Variants in CSMD1 observed in about 807,000 individuals in gnomAD.
CSMD1 encodes CUB and Sushi multiple domains 1.
CSMD1 carries 213 observed loss-of-function variants against 417.5 expected under a neutral mutation model. The ratio of observed to expected loss-of-function variants is 0.51; its 90% confidence interval spans 0.46 to 0.57. The LOEUF (loss-of-function observed/expected upper bound fraction) is 0.57, where lower values mean the gene tolerates loss of function less well. Among genes scored for constraint, CSMD1 ranks in the 20% least tolerant of loss-of-function variants. The pLI, the probability that CSMD1 is intolerant of heterozygous loss-of-function variation, is 0.00. For missense variants in CSMD1, 6,923 were observed against 4,529.7 expected (o/e 1.53, Z -15.17); for synonymous variants, 2,862 against 1,736.8 (o/e 1.65, Z -16.11).
At chr8:3,252,444 T>C (rs554601547) in intron 26 of CSMD1, among the ~76,000 whole-genome samples, 27 of 152,318 alleles carry the variant, frequency 1.8e-4, no homozygotes, top group Admixed American at 7.8e-4. Context: ...CTTTTTGATA[T>C]ATTGTTGGAT....
chr8:3,807,525 C>A (rs1258966288), intron 5 of CSMD1, among the ~76,000 whole-genome samples: 2 of 152,162 alleles, frequency 1.3e-5, no homozygotes, highest in Non-Finnish European at 2.9e-5. Flanking sequence ...AGAGCTTCAA[C>A]AGATACTAAT....
chr8:3,712,467 C>T (rs1801582544), intron 6 of CSMD1, among the ~76,000 whole-genome samples: 1 of 151,762 alleles, frequency 6.6e-6, no homozygotes, highest in African/African-American at 2.4e-5. Flanking sequence ...ACTAGAGCTG[C>T]AGGAATGCAG....
chr8:4,409,989 T>G (rs1445878303), intron 3 of CSMD1, among the ~76,000 whole-genome samples: 4 of 152,094 alleles, frequency 2.6e-5, no homozygotes, highest in Non-Finnish European at 5.9e-5. Flanking sequence ...AATTTTTGTA[T>G]TTTTAGTAGA....
intron 1 of CSMD1, among the ~76,000 whole-genome samples, chr8:4,819,625 A>G (rs1379704556): frequency 6.6e-6 from 1 of 152,210 alleles, no homozygotes; most frequent in Non-Finnish European, 1.5e-5. Context: ...AGATTGGAAT[A>G]TCAAATACTC....
intron 3 of CSMD1, among the ~76,000 whole-genome samples, chr8:4,335,754 T>C (rs1220047843): frequency 2.0e-5 from 3 of 151,734 alleles, no homozygotes; most frequent in African/African-American, 4.8e-5. Flanking sequence ...GGCAACAAGA[T>C]AGAGTCATCA....
intron 3 of CSMD1, among the ~76,000 whole-genome samples, chr8:4,225,594 G>C (rs568420715): frequency 2.7e-5 from 4 of 148,218 alleles, no homozygotes; most frequent in East Asian, 2.0e-4. Context: ...ATTTTTATTT[G>C]GGAGGAAATA....
intron 5 of CSMD1, among the ~76,000 whole-genome samples, chr8:3,817,276 T>C (rs1367665814): frequency 5.7e-4 from 42 of 73,856 alleles, no homozygotes; most frequent in Middle Eastern, 5.3e-3. Flanking sequence ...TTTTTTTTTT[T>C]TTTTTTTTTT....
At chr8:4,290,593 A>G (rs115378006) in intron 3 of CSMD1, among the ~76,000 whole-genome samples, 426 of 152,304 alleles carry the variant, frequency 2.8e-3, no homozygotes, top group African/African-American at 9.4e-3. Context: ...GCTTCATACA[A>G]TTTACCAAGG....
At chr8:3,980,523 C>G (rs1813774836) in intron 5 of CSMD1, among the ~76,000 whole-genome samples, 1 of 146,230 alleles carries the variant, frequency 6.8e-6, no homozygotes, top group African/African-American at 2.5e-5. Flanking sequence ...GTTGTTTATG[C>G]CATTTAGATT....
At chr8:3,315,508 G>T (rs1416667088) in intron 23 of CSMD1, among the ~76,000 whole-genome samples, 1 of 151,332 alleles carries the variant, frequency 6.6e-6, no homozygotes, top group African/African-American at 2.4e-5. Flanking sequence ...TTAAGCTACA[G>T]ATGCTATTGT....
chr8:4,847,406 T>A (rs1402415181), intron 1 of CSMD1, among the ~76,000 whole-genome samples: 1 of 152,226 alleles, frequency 6.6e-6, no homozygotes, highest in Non-Finnish European at 1.5e-5. Flanking sequence ...CAATAAATTT[T>A]AAAATTTCAA....
At chr8:3,981,430 C>G (rs530728485) in intron 5 of CSMD1, among the ~76,000 whole-genome samples, 2 of 140,452 alleles carry the variant, frequency 1.4e-5, no homozygotes, top group South Asian at 4.6e-4. Flanking sequence ...CAGGATCTCA[C>G]AAATCACCGC....
At chr8:4,397,511 A>G (rs1040472157) in intron 3 of CSMD1, among the ~76,000 whole-genome samples, 1 of 148,972 alleles carries the variant, frequency 6.7e-6, no homozygotes, top group Non-Finnish European at 1.5e-5. Context: ...CAATGTCAAC[A>G]AGCCTGAGAC....
At chr8:4,342,459 C>A (rs1297205733) in intron 3 of CSMD1, among the ~76,000 whole-genome samples, 2 of 151,958 alleles carry the variant, frequency 1.3e-5, no homozygotes, top group Admixed American at 6.6e-5. Flanking sequence ...CAACAGCAGA[C>A]AATAAACTGG....
chr8:4,546,064 A>C (rs1983474), intron 2 of CSMD1, among the ~76,000 whole-genome samples: 110,541 of 152,042 alleles, frequency 0.73, 40,410 homozygotes, highest in Admixed American at 0.78. Context: ...CTGCAAGTCA[A>C]CTTCATCAGA....
chr8:3,357,385 G>A (rs1352082172), intron 21 of CSMD1, among the ~76,000 whole-genome samples: 2 of 152,170 alleles, frequency 1.3e-5, no homozygotes, highest in Non-Finnish European at 1.5e-5. Flanking sequence ...GTCCATCACA[G>A]CATTTACTTC....
intron 5 of CSMD1, among the ~76,000 whole-genome samples, chr8:3,825,761 C>A (rs1481183838): frequency 6.6e-6 from 1 of 152,086 alleles, no homozygotes; most frequent in African/African-American, 2.4e-5. Context: ...GCCACATGAA[C>A]TGTGGAAATG....
At chr8:4,209,077 G>A (rs573168204) in intron 3 of CSMD1, among the ~76,000 whole-genome samples, 1 of 151,656 alleles carries the variant, frequency 6.6e-6, no homozygotes, top group African/African-American at 2.4e-5. Context: ...TTCTTTTTTT[G>A]TCCTCTCTTC....
chr8:3,575,465 T>C lies in CSMD1; in HGVS notation c.1223-399A>G, dbSNP rs546346660. 1.2e-4 allele frequency among the ~76,000 whole-genome samples: 18 copies of C among 152,226 alleles called. No homozygotes were observed. In the South Asian group the frequency reaches 3.3e-3, roughly 28 times the overall value. ...CTAATTGTGTGCGACTGCAGTAAGA[T>C]AGAGGGAAAGGCACCGCCGAGTGCA... On this transcript the variant is annotated intron_variant, in intron 9 of 69. Coordinates refer to ENST00000635120, the MANE Select transcript of CSMD1 (RefSeq NM_033225.6).
Sources: gnomAD v4.1 joint callset for allele counts (sites outside exome capture counted in the v4.1 genomes callset) on GRCh38, gnomAD v4.1.1 for gene constraint, MANE v1.5 for transcripts, NCBI Gene and HGNC (gene_info 2026-07-23, HGNC 2026-07-21) for gene names.